SMYD3: variants seen among roughly 807,000 people sequenced by gnomAD.
SMYD3 encodes the protein histone-lysine N-methyltransferase SMYD3.
SMYD3 carries 36 observed loss-of-function variants against 57.7 expected under a neutral mutation model. The ratio of observed to expected loss-of-function variants is 0.62; its 90% CI spans 0.48 to 0.82. The LOEUF (loss-of-function observed/expected upper bound fraction) is 0.82. Among genes scored for constraint, SMYD3 ranks in the 40% least tolerant of loss-of-function variants. The pLI is 0.00. For synonymous variants in SMYD3, 211 were observed against 195.0 expected (o/e 1.08, Z -0.68); for missense variants, 515 against 538.8 (o/e 0.96, Z 0.44).
At chr1:246,434,054 T>C (rs562770181) in intron 1 of SMYD3, among the ~76,000 whole-genome samples, 22 of 152,278 alleles carry the variant, frequency 1.4e-4, no homozygotes, top group African/African-American at 5.3e-4. Context: ...GGTGCTGGGA[T>C]AGGCTACCTA....
At chr1:246,201,934 ACCC>A (rs1212765291) in intron 5 of SMYD3, among the ~76,000 whole-genome samples, 41 of 151,526 alleles carry the variant, frequency 2.7e-4, no homozygotes, top group African/African-American at 1.0e-3. Flanking sequence ...AATCGCTTGC[ACCC>A]GGGAGGTGGA....
chr1:246,451,945 C>T (rs972506322), intron 1 of SMYD3, among the ~76,000 whole-genome samples: 4 of 152,092 alleles, frequency 2.6e-5, no homozygotes, highest in African/African-American at 9.7e-5. Context: ...TCCTCACCTC[C>T]GTAGCACAAC....
intron 5 of SMYD3, among the ~76,000 whole-genome samples, chr1:246,228,317 G>A (rs2063360465): frequency 1.3e-5 from 2 of 152,078 alleles, no homozygotes; most frequent in South Asian, 4.1e-4. Context: ...CTAAAGCAGG[G>A]CAATTCAACT....
At chr1:246,289,327 C>A (rs1350381749) in intron 5 of SMYD3, among the ~76,000 whole-genome samples, 1 of 152,120 alleles carries the variant, frequency 6.6e-6, no homozygotes, top group African/African-American at 2.4e-5. Context: ...GAAACTACAA[C>A]GTTAGCTTAT....
At chr1:246,340,921 G>A (rs1454649975) in intron 2 of SMYD3, among the ~76,000 whole-genome samples, 1 of 151,932 alleles carries the variant, frequency 6.6e-6, no homozygotes, top group Admixed American at 6.6e-5. Context: ...ATGGGAGGTC[G>A]AGACTACAGT....
At chr1:246,322,705 C>G (rs948194671) in intron 5 of SMYD3, among the ~76,000 whole-genome samples, 1 of 152,120 alleles carries the variant, frequency 6.6e-6, no homozygotes, top group Non-Finnish European at 1.5e-5. Context: ...CCCCAGGGAA[C>G]ATACAATCTA....
At chr1:245,990,118 G>A (rs888396485) in intron 5 of SMYD3, among the ~76,000 whole-genome samples, 2 of 152,022 alleles carry the variant, frequency 1.3e-5, no homozygotes, top group Non-Finnish European at 2.9e-5. Context: ...CTCCCAAGCT[G>A]GAGTGCAGTG....
chr1:245,859,309 C>T lies in SMYD3; in HGVS notation c.902-639G>A, dbSNP rs549294283. ...ATTAAAATATGTTATTTTAAACCCCCAAAATAAGAGACAGTATTAGGAACA... is the reference window on the plus strand; with the variant it reads ...ATTAAAATATGTTATTTTAAACCCCTAAAATAAGAGACAGTATTAGGAACA... On this transcript the variant is annotated intron_variant, in intron 9 of 11. Transcript: ENST00000490107. 7.2e-4 allele frequency among the ~76,000 whole-genome samples: 110 copies of T among 152,256 alleles called. 1 individual carries two copies. Among genetic ancestry groups the T allele is most frequent in the Middle Eastern group, 3.4e-3 (1 of 294 alleles).
chr1:245,794,001 C>A lies in SMYD3; in HGVS notation c.1077-29852G>T, dbSNP rs191416177. Among the ~76,000 whole-genome samples the A allele has an allele frequency of 2.0e-3, 310 of 152,160 alleles. 1 individual carries two copies. Among genetic ancestry groups the A allele is most frequent in the Admixed American group, 7.4e-3 (113 of 15,288 alleles). ...AGCATGCAACTGGGCTTAAAAAAAACCAAACAAAAAACCTGTCTCTTAATA... is the reference window on the plus strand; with the variant it reads ...AGCATGCAACTGGGCTTAAAAAAAAACAAACAAAAAACCTGTCTCTTAATA... On this transcript the variant is annotated intron_variant, in intron 10 of 11. Coordinates refer to ENST00000490107, the MANE Select transcript of SMYD3 (RefSeq NM_001167740.2).
intron 10 of SMYD3, among the ~76,000 whole-genome samples, chr1:245,798,795 C>A (rs906863825): frequency 1.6e-4 from 24 of 152,056 alleles, no homozygotes; most frequent in Non-Finnish European, 2.2e-4. Context: ...ACCCTTCTGG[C>A]CTTCACTACC....
At chr1:245,811,029 C>A (rs2048441423) in intron 10 of SMYD3, among the ~76,000 whole-genome samples, 1 of 152,234 alleles carries the variant, frequency 6.6e-6, no homozygotes, top group Non-Finnish European at 1.5e-5. Context: ...GATGCATCTT[C>A]CAATTCAACA....
intron 5 of SMYD3, among the ~76,000 whole-genome samples, chr1:246,222,358 G>C (rs2063269579): frequency 6.6e-6 from 1 of 152,120 alleles, no homozygotes; most frequent in Non-Finnish European, 1.5e-5. Flanking sequence ...AAAGCACAGA[G>C]AGATCCATAT....
At chr1:246,346,249 C>T (rs1042383231) in intron 2 of SMYD3, among the ~76,000 whole-genome samples, 1 of 152,056 alleles carries the variant, frequency 6.6e-6, no homozygotes, top group East Asian at 1.9e-4. Flanking sequence ...TTCTACTGCA[C>T]TCCAGTCTGG....
In SMYD3 at chr1:246,144,907, C is replaced by T. The variant is rs532423957; in HGVS notation, c.531+182294G>A. Among the ~76,000 whole-genome samples the T allele has an allele frequency of 2.6e-5, 4 of 152,260 alleles. No individual in the cohort carries two copies. The South Asian group carries it at 6.2e-4, about 24-fold the overall frequency. Reference sequence around the variant, plus strand: ...TTCAGGAAGCACGAATCGGGTTTCCCGGATCTGGATAGCAAAAAACTTCCA... The same window carrying T: ...TTCAGGAAGCACGAATCGGGTTTCCTGGATCTGGATAGCAAAAAACTTCCA... On this transcript the variant is annotated intron_variant, in intron 5 of 11. Transcript: ENST00000490107.
At chr1:246,212,398 T>C (rs998981818) in intron 5 of SMYD3, among the ~76,000 whole-genome samples, 4 of 152,050 alleles carry the variant, frequency 2.6e-5, no homozygotes, top group Non-Finnish European at 5.9e-5. Flanking sequence ...GAATATTTTA[T>C]GAAAGGAAAT....
intron 5 of SMYD3, among the ~76,000 whole-genome samples, chr1:246,233,973 C>G (rs1241150290): frequency 1.4e-5 from 2 of 138,240 alleles, no homozygotes; most frequent in Non-Finnish European, 1.5e-5. Flanking sequence ...AGGAGAAGCA[C>G]TCCTTCAATT....
chr1:245,827,917 C>T (rs2049597980), intron 10 of SMYD3, among the ~76,000 whole-genome samples: 2 of 152,160 alleles, frequency 1.3e-5, no homozygotes, highest in Admixed American at 6.5e-5. Context: ...GCCCATCTAA[C>T]CAGGATTCTT....
intron 1 of SMYD3, among the ~76,000 whole-genome samples, chr1:246,495,773 C>T (rs1413498025): frequency 6.6e-6 from 1 of 151,710 alleles, no homozygotes; most frequent in Non-Finnish European, 1.5e-5. Flanking sequence ...AACCCCATCT[C>T]TACCAAAAAT....
intron 5 of SMYD3, among the ~76,000 whole-genome samples, chr1:246,298,170 A>T (rs2064828867): frequency 6.6e-6 from 1 of 152,074 alleles, no homozygotes; most frequent in Non-Finnish European, 1.5e-5. Context: ...CTAAAGAGAA[A>T]TAAGAAAAGA....
Sources: allele counts gnomAD v4.1 joint callset (sites outside exome capture counted in the v4.1 genomes callset), GRCh38; gene constraint gnomAD v4.1.1; transcripts MANE v1.5; gene names NCBI Gene and HGNC (gene_info 2026-07-23, HGNC 2026-07-21).